USP9X: variants seen among roughly 807,000 people sequenced by gnomAD.
USP9X encodes ubiquitin carboxyl-terminal hydrolase 9X.
Under a neutral mutation model 190.3 loss-of-function variants are expected in USP9X, and 7 were observed. That is an observed-to-expected ratio of 0.04 (90% CI 0.02 to 0.07). The LOEUF (loss-of-function observed/expected upper bound fraction) is 0.07. USP9X is among the 10% of genes least tolerant of loss of function. The pLI is 1.00. For missense variants in USP9X, 1,010 were observed against 1,916.9 expected, an observed-to-expected ratio of 0.53 and a Z score of 8.83; for synonymous variants, 645 against 659.5, an observed-to-expected ratio of 0.98 and a Z score of 0.34.
At chrX:41,201,421 G>A in intron 31 of USP9X, 141 bp downstream of exon 31, 2 of 576,562 alleles carry the variant, frequency 3.5e-6, no homozygotes. Context: ...ACACACCTGT[G>A]GTCTCAGCTA....
At chrX:41,133,512 T>A (rs2062342607) in intron 4 of USP9X, among the ~76,000 whole-genome samples, 2 of 111,965 alleles carry the variant, frequency 1.8e-5, no homozygotes, top group Non-Finnish European at 3.8e-5. Flanking sequence ...CCAGTTTTAC[T>A]CTCTTAGTTA....
Position 41,162,423 on chromosome X carries a change from A to G in USP9X, c.1898-367A>G, listed in dbSNP as rs771081103. On this transcript the variant is annotated intron_variant, in intron 14 of 44. Transcript: ENST00000378308. ...TTTTTCTTCATGAAAACACCTTTCA[A>G]TATAACAGGTAAGAAATTGAAGAAA... Among the ~76,000 whole-genome samples, 4 of 112,030 alleles carry G rather than the reference A, an allele frequency of 3.6e-5. No individual in the cohort carries two copies. The South Asian group carries it at 1.5e-3, about 42-fold the overall frequency.
intron 21 of USP9X, among the ~76,000 whole-genome samples, chrX:41,173,787 A>C (rs1245155213): frequency 8.9e-6 from 1 of 111,848 alleles, no homozygotes; most frequent in Non-Finnish European, 1.9e-5. Flanking sequence ...AACATTGTTG[A>C]AAGTTCCAAA....
At position 41,171,954 on chromosome X, in the gene USP9X, G is replaced by A. The variant is rs200527638; in HGVS notation, c.3144G>A (p.Pro1048=). Residue 1048 remains proline (P), a synonymous_variant, in exon 21 of 45, where the codon CCG becomes CCA. Transcript: ENST00000378308. ...CAAGAGTACTTATGAAACTTATGCCGCCAGGTAAGAATTTTTAAATGATGA... is the reference window on the plus strand; with the variant it reads ...CAAGAGTACTTATGAAACTTATGCCACCAGGTAAGAATTTTTAAATGATGA... The part of the protein sequence containing the change: ...DGARVLMKLM[P]PDSTTIEKLR... The A allele has an allele frequency of 5.0e-6, 6 of 1,206,862 alleles. No homozygotes were observed. In the African/African-American group the frequency reaches 7.0e-5, roughly 14 times the overall value.
chrX:41,189,605 T>C lies in USP9X; in HGVS notation c.3977+130T>C, dbSNP rs1425219519. On this transcript the variant is annotated intron_variant, in intron 26 of 44. Coordinates refer to ENST00000378308, the MANE Select transcript of USP9X (RefSeq NM_001039591.3). ...GGCATATTGGTATTGAGGAAAATTT[T>C]ATTATTTAAGAGTGTTTTGCTTAAC... 4 of 594,154 alleles carry C rather than the reference T, an allele frequency of 6.7e-6. No individual in the cohort carries two copies. In the East Asian group the frequency reaches 1.5e-4, roughly 22 times the overall value. 49.0% of individuals were successfully genotyped at this position (594,154 alleles called of 1,213,427 possible). A position where few individuals can be genotyped will look rare whatever the true frequency, so the allele number is the denominator to read the frequency against.
Position 41,236,517 on chromosome X carries a change from TGAAG to T in USP9X, c.*3994_*3997del, listed in dbSNP as rs1318184223. ...CCTTTTACAAGCCAACAGACTGACA[TGAAG>T]ATTGTTCACAGTTCCTAAGATTTAG... On this transcript the variant is annotated 3_prime_UTR_variant, in exon 45 of 45. Transcript: ENST00000378308. The T allele has an allele frequency of 1.8e-5, 2 of 112,532 alleles. No individual in the cohort carries two copies. Among genetic ancestry groups the T allele is most frequent in the Non-Finnish European group, 3.8e-5 (2 of 53,226 alleles). 9.3% of individuals were successfully genotyped at this position (112,532 alleles called of 1,213,427 possible). A position where few individuals can be genotyped will look rare whatever the true frequency, so the allele number is the denominator to read the frequency against.
Position 41,224,701 on chromosome X carries a change from A to G in USP9X, c.6752-41A>G, listed in dbSNP as rs774253274. On this transcript the variant is annotated intron_variant, in intron 39 of 44. Transcript: ENST00000378308. ...AAAGTTGTGTATTATTATTGTGAAG[A>G]AGCTTATTAGTTTTTTATTGGTGAC... The G allele has an allele frequency of 1.6e-5, 17 of 1,031,918 alleles. No homozygotes were observed. In the African/African-American group the frequency reaches 3.0e-4, roughly 18 times the overall value. 85.0% of individuals were successfully genotyped at this position (1,031,918 alleles called of 1,213,427 possible).
intron 5 of USP9X, among the ~76,000 whole-genome samples, chrX:41,135,540 G>A (rs2062364593): frequency 9.0e-6 from 1 of 111,540 alleles, no homozygotes; most frequent in South Asian, 3.8e-4. Flanking sequence ...ATAAGATAGA[G>A]TCAGATTCCA....
intron 41 of USP9X, among the ~76,000 whole-genome samples, chrX:41,225,645 C>T (rs767643132): frequency 1.1e-4 from 12 of 112,320 alleles, no homozygotes; most frequent in Admixed American, 1.9e-4. Context: ...GGAGGAAATA[C>T]AGAATTAGGT....
At chrX:41,225,346 A>G (rs1408348729) in intron 41 of USP9X, among the ~76,000 whole-genome samples, 4 of 111,848 alleles carry the variant, frequency 3.6e-5, no homozygotes, top group Non-Finnish European at 7.5e-5. Flanking sequence ...CCTAAGTTTC[A>G]TACTTAATAA....
chrX:41,125,427 TG>T (rs767140824), intron 2 of USP9X, among the ~76,000 whole-genome samples: 14 of 108,168 alleles, frequency 1.3e-4, no homozygotes, highest in African/African-American at 4.7e-4. Context: ...TAGTGTCTTT[TG>T]GTAAATTATG....
intron 14 of USP9X, among the ~76,000 whole-genome samples, chrX:41,162,102 T>G (rs1192429406): frequency 1.8e-5 from 2 of 112,012 alleles, no homozygotes; most frequent in African/African-American, 3.2e-5. Context: ...GTCCCATCTT[T>G]ATAACACATC....
At chrX:41,108,923 T>G (rs2090848625) in intron 1 of USP9X, among the ~76,000 whole-genome samples, 1 of 111,316 alleles carries the variant, frequency 9.0e-6, no homozygotes, top group African/African-American at 3.3e-5. Flanking sequence ...CCCAGACTTC[T>G]TAGCCACTCT....
chrX:41,107,120 G>A (rs959560957), intron 1 of USP9X, among the ~76,000 whole-genome samples: 6 of 109,132 alleles, frequency 5.5e-5, no homozygotes, highest in African/African-American at 2.0e-4. Flanking sequence ...TCCTGACCTC[G>A]TGATCCACCC....
rs181062032 is a variant in USP9X at position 41,170,702 on chromosome X, C to G, written c.3027+83C>G. 1.4e-4 allele frequency: 138 copies of G among 974,001 alleles called. No individual in the cohort carries two copies. The African/African-American group carries it at 2.3e-3, about 16-fold the overall frequency. 80.3% of individuals were successfully genotyped at this position (974,001 alleles called of 1,213,427 possible). A position where few individuals can be genotyped will look rare whatever the true frequency, so the allele number is the denominator to read the frequency against. On this transcript the variant is annotated intron_variant, in intron 20 of 44. Transcript: ENST00000378308. ...AATAAAGTATATAGAGTGGTTCTTT[C>G]TTTTCTTGAGGAGCTTACAGTTTAA...
chrX:41,196,527 G>T, intron 27 of USP9X, 65 bp from the exon 28 acceptor site: 1 of 1,165,406 alleles, frequency 8.6e-7, no homozygotes, highest in Non-Finnish European at 1.2e-6. Context: ...GTTAACTCTG[G>T]GTTTTTAAAA....
intron 33 of USP9X, among the ~76,000 whole-genome samples, 199 bp downstream of exon 33, chrX:41,210,881 TCTA>T (rs2063151034): frequency 8.9e-6 from 1 of 112,075 alleles, no homozygotes; most frequent in African/African-American, 3.2e-5. Context: ...TTTAGTTCCT[TCTA>T]CTCTGCCTGA....
At chrX:41,167,377 T>A (rs1457600311) in intron 16 of USP9X, 105 bp from the exon 17 acceptor site, 3 of 569,891 alleles carry the variant, frequency 5.3e-6, no homozygotes, top group Non-Finnish European at 8.3e-6. Context: ...TACCATTAAA[T>A]CATTGAATAG....
Position 41,148,427 on chromosome X carries a change from G to A in USP9X, c.1478G>A (p.Arg493His). The change falls in exon 12 of 45, where the codon CGT (arginine) becomes CAT (histidine). Residue 493 changes from arginine (R) to histidine (H), a missense_variant. Around this residue, in one of 11 missense-constraint regions of USP9X, gnomAD observed 39 missense variants for 132.4 expected, o/e 0.29. Coordinates refer to ENST00000378308, the MANE Select transcript of USP9X (RefSeq NM_001039591.3). ...QREKLLELIR[R>H]LAEDDKDGVM... ...GAAAAGCTACTTGAGCTGATACGTC[G>A]TCTTGCAGAAGATGATAAAGATGGT... 8.3e-7 allele frequency: 1 copy of A among 1,211,796 alleles called. No homozygotes were observed. The highest frequency in any genetic ancestry group is 1.1e-6 in the Non-Finnish European group (1 of 895,553).
Sources: allele counts gnomAD v4.1 joint callset (sites outside exome capture counted in the v4.1 genomes callset), GRCh38; gene constraint gnomAD v4.1.1; regional missense constraint gnomAD v4.1.1; transcripts MANE v1.5; gene names NCBI Gene and HGNC (gene_info 2026-07-23, HGNC 2026-07-21).